TSC22D1: variants seen among roughly 807,000 people sequenced by gnomAD.
The protein encoded by TSC22D1 is TSC22 domain family member 1.
TSC22D1 carries 9 observed loss-of-function variants against 74.2 expected under a neutral mutation model. The observed-to-expected ratio is 0.12, with a 90% CI of 0.07 to 0.21. The LOEUF (loss-of-function observed/expected upper bound fraction) is 0.21, where lower values mean the gene tolerates loss of function less well. Ranked by LOEUF, TSC22D1 falls within the 10% of genes least tolerant of loss-of-function variation. TSC22D1 has a pLI of 1.00. For synonymous variants in TSC22D1, 586 were observed against 492.5 expected, an observed-to-expected ratio of 1.19 and a Z score of -2.51; for missense variants, 1,427 against 1,304.7, an observed-to-expected ratio of 1.09 and a Z score of -1.44.
Position 44,434,217 on chromosome 13 carries a change from C to A in TSC22D1, c.*409G>T. ...TCCTGGGGGGAGGAGAGGAGAGAGG[C>A]GAGTCCAGTGAGGAGCTCCATCGCT... On this transcript the variant is annotated 3_prime_UTR_variant, in exon 3 of 3. Transcript: ENST00000458659. 2 of 1,436,120 alleles carry A rather than the reference C, an allele frequency of 1.4e-6. No individual in the cohort carries two copies. Among genetic ancestry groups the A allele is most frequent in the South Asian group, 1.5e-5 (1 of 65,020 alleles). 89.0% of individuals were successfully genotyped at this position (1,436,120 alleles called of 1,614,324 possible).
intron 1 of TSC22D1, among the ~76,000 whole-genome samples, chr13:44,557,941 C>T (rs1218221876): frequency 6.6e-6 from 1 of 152,000 alleles, no homozygotes; most frequent in East Asian, 1.9e-4. Flanking sequence ...TACTTTTTAG[C>T]AATAAATTTG....
chr13:44,466,151 C>G (rs1161335733), intron 1 of TSC22D1, among the ~76,000 whole-genome samples: 1 of 152,166 alleles, frequency 6.6e-6, no homozygotes, highest in Non-Finnish European at 1.5e-5. Flanking sequence ...CTCATCTAGA[C>G]TTCTCAAGAA....
intron 1 of TSC22D1, among the ~76,000 whole-genome samples, chr13:44,440,587 CAAAAA>C (rs67344848): frequency 2.6e-4 from 18 of 68,272 alleles, no homozygotes; most frequent in African/African-American, 1.0e-3. Flanking sequence ...GGCTCTGTCT[CAAAAA>C]AAAAAAAAAA....
intron 1 of TSC22D1, among the ~76,000 whole-genome samples, chr13:44,546,417 C>G (rs560081028): frequency 6.6e-6 from 1 of 152,184 alleles, no homozygotes; most frequent in African/African-American, 2.4e-5. Flanking sequence ...AAGAATATAC[C>G]ATCACTTCTG....
chr13:44,434,513 C>T lies in TSC22D1; in HGVS notation c.*113G>A, dbSNP rs964706812. The T allele has an allele frequency of 1.4e-6, 2 of 1,449,904 alleles. No individual in the cohort carries two copies. Among genetic ancestry groups the T allele is most frequent in the African/African-American group, 2.9e-5 (2 of 69,906 alleles). 89.8% of individuals were successfully genotyped at this position (1,449,904 alleles called of 1,614,324 possible). On this transcript the variant is annotated 3_prime_UTR_variant, in exon 3 of 3. Transcript: ENST00000458659. ...ATAATGGCATATGTCAGTCTCACGT[C>T]TCTTTCGCAGCGAGCAATGAAATGG...
In TSC22D1 at chr13:44,537,148, A is replaced by G. The variant is rs1476085680; in HGVS notation, c.2912+36015T>C. 3.4e-6 allele frequency: 3 copies of G among 882,576 alleles called. No individual in the cohort carries two copies. The East Asian group carries it at 3.6e-4, about 106-fold the overall frequency. 54.7% of individuals were successfully genotyped at this position (882,576 alleles called of 1,614,324 possible). A position where few individuals can be genotyped will look rare whatever the true frequency, so the allele number is the denominator to read the frequency against. ...TTATTAGATTTCAAATTATCACATA[A>G]TACAGATATTACACAATTAGTCATT... On this transcript the variant is annotated intron_variant, in intron 1 of 2. Coordinates refer to ENST00000458659, the MANE Select transcript of TSC22D1 (RefSeq NM_183422.4).
chr13:44,538,279 G>A lies in TSC22D1; in HGVS notation c.2912+34884C>T, dbSNP rs1003338052. ...AGATATTTCTTCTACTTCTCTATTA[G>A]AAACTTTGTTGATTTGACAATTATA... On this transcript the variant is annotated intron_variant, in intron 1 of 2. Transcript: ENST00000458659. 3 of 985,132 alleles carry A rather than the reference G, an allele frequency of 3.0e-6. No individual in the cohort carries two copies. The African/African-American group carries it at 5.2e-5, about 17-fold the overall frequency. The allele number at this position is 985,132 out of a possible 1,614,324, so 61.0% of individuals were successfully genotyped here.
At chr13:44,556,778 A>T (rs574545224) in intron 1 of TSC22D1, among the ~76,000 whole-genome samples, 3 of 152,218 alleles carry the variant, frequency 2.0e-5, no homozygotes, top group African/African-American at 7.2e-5. Flanking sequence ...AGGCAGGAGA[A>T]TCCTTTAAAC....
intron 1 of TSC22D1, among the ~76,000 whole-genome samples, chr13:44,509,933 T>C (rs1879611681): frequency 1.2e-5 from 1 of 85,066 alleles, no homozygotes. Context: ...TTTTCACCTG[T>C]CAAACTAGAA....
chr13:44,438,867 TA>T (rs1190501912), intron 1 of TSC22D1, among the ~76,000 whole-genome samples: 1 of 152,182 alleles, frequency 6.6e-6, no homozygotes, highest in Admixed American at 6.5e-5. Flanking sequence ...AAACTATTTG[TA>T]TGCTAAATTC....
intron 1 of TSC22D1, among the ~76,000 whole-genome samples, chr13:44,454,479 T>C (rs1275304543): frequency 6.6e-6 from 1 of 152,188 alleles, no homozygotes; most frequent in Non-Finnish European, 1.5e-5. Flanking sequence ...CTGAAACTCT[T>C]ATGCTCCTCC....
At chr13:44,509,179 C>A (rs371571314) in intron 1 of TSC22D1, among the ~76,000 whole-genome samples, 1 of 152,122 alleles carries the variant, frequency 6.6e-6, no homozygotes, top group African/African-American at 2.4e-5. Flanking sequence ...ACAGTACCCC[C>A]CCCAAAATGG....
In TSC22D1 at chr13:44,573,694, C is replaced by T. The variant is rs761956637; in HGVS notation, c.2381G>A (p.Ser794Asn). 2 of 1,614,204 alleles carry T rather than the reference C, an allele frequency of 1.2e-6. No individual in the cohort carries two copies. The highest frequency in any genetic ancestry group is 2.2e-5 in the South Asian group (2 of 91,090). Residue 794 changes from serine (S) to asparagine (N), a missense_variant, in exon 1 of 3, where the codon AGT becomes AAT. By Grantham distance (46) the Ser-to-Asn change is conservative. Around this residue, in one of 3 missense-constraint regions of TSC22D1, gnomAD observed 1,343 missense variants for 1,191.5 expected, o/e 1.13. Transcript: ENST00000458659. Reference sequence around the variant, plus strand: ...CTGGGGAGGCACAGTTAACAAGGAACTTTGGGATGCAATAACCAATTGTTG... The same window carrying T: ...CTGGGGAGGCACAGTTAACAAGGAATTTTGGGATGCAATAACCAATTGTTG... ...LPQQLVIASQSSLLTVPPQPQ... is the reference protein window; with the variant it reads ...LPQQLVIASQNSLLTVPPQPQ...
intron 1 of TSC22D1, among the ~76,000 whole-genome samples, chr13:44,459,911 G>A (rs1484972514): frequency 1.3e-5 from 2 of 152,148 alleles, no homozygotes; most frequent in Non-Finnish European, 2.9e-5. Flanking sequence ...ATGGGTGCCT[G>A]TCTCATCCTT....
intron 1 of TSC22D1, among the ~76,000 whole-genome samples, chr13:44,502,257 C>G (rs909687651): frequency 6.6e-6 from 1 of 152,166 alleles, no homozygotes; most frequent in Non-Finnish European, 1.5e-5. Context: ...TAATTGGATA[C>G]TTGCTTAAGA....
At chr13:44,496,685 CA>C (rs57644441) in intron 1 of TSC22D1, among the ~76,000 whole-genome samples, 17,358 of 151,422 alleles carry the variant, frequency 0.11, 1,026 homozygotes, top group Non-Finnish European at 0.13. Context: ...GACTCTGTCT[CA>C]AAAAAATAGT....
At chr13:44,459,359 T>C (rs1209749656) in intron 1 of TSC22D1, among the ~76,000 whole-genome samples, 1 of 152,158 alleles carries the variant, frequency 6.6e-6, no homozygotes, top group Non-Finnish European at 1.5e-5. Context: ...CTACCCACTA[T>C]GGATATCCTC....
At chr13:44,464,643 C>T (rs530944496) in intron 1 of TSC22D1, among the ~76,000 whole-genome samples, 8 of 152,154 alleles carry the variant, frequency 5.3e-5, no homozygotes, top group Non-Finnish European at 1.2e-4. Flanking sequence ...CACAAGAGCA[C>T]TCAGTACAGC....
intron 1 of TSC22D1, among the ~76,000 whole-genome samples, chr13:44,551,959 G>T (rs530976355): frequency 2.0e-5 from 3 of 152,268 alleles, no homozygotes; most frequent in Non-Finnish European, 2.9e-5. Flanking sequence ...CTCTTATTTG[G>T]CACAGTAGTA....
Sources: allele counts gnomAD v4.1 joint callset (sites outside exome capture counted in the v4.1 genomes callset), GRCh38; gene constraint gnomAD v4.1.1; regional missense constraint gnomAD v4.1.1; transcripts MANE v1.5; gene names NCBI Gene and HGNC (gene_info 2026-07-23, HGNC 2026-07-21).